The following CADM2 variants were observed in gnomAD, a reference collection of about 807,000 sequenced individuals.
CADM2 encodes the protein immunoglobulin superfamily member 4D.
A neutral mutation model predicts 49.8 loss-of-function variants in CADM2; 12 were observed. The observed-to-expected ratio is 0.24, with a 90% CI of 0.15 to 0.39. The LOEUF (loss-of-function observed/expected upper bound fraction) is 0.39. CADM2 is among the 10% of genes least tolerant of loss of function. CADM2 has a pLI of 1.00. For missense variants in CADM2, 378 were observed against 492.3 expected, an observed-to-expected ratio of 0.77 and a Z score of 2.20; for synonymous variants, 214 against 175.4, an observed-to-expected ratio of 1.22 and a Z score of -1.74.
intron 6 of CADM2, among the ~76,000 whole-genome samples, chr3:85,924,908 A>G (rs1184380185): frequency 6.6e-6 from 1 of 152,182 alleles, no homozygotes; most frequent in Non-Finnish European, 1.5e-5. Flanking sequence ...CCAACCCCCT[A>G]TAATGCTGCT....
chr3:85,296,681 G>T (rs886942226), intron 1 of CADM2, among the ~76,000 whole-genome samples: 1 of 151,990 alleles, frequency 6.6e-6, no homozygotes, highest in African/African-American at 2.4e-5. Flanking sequence ...TAAATTTCCA[G>T]CTTCATTCTC....
At chr3:85,464,215 G>T (rs2038385925) in intron 1 of CADM2, among the ~76,000 whole-genome samples, 1 of 152,044 alleles carries the variant, frequency 6.6e-6, no homozygotes, top group Admixed American at 6.6e-5. Flanking sequence ...ATAAAATATA[G>T]ATGGACTCGA....
At chr3:85,793,870 G>T (rs1029191972) in intron 2 of CADM2, among the ~76,000 whole-genome samples, 5 of 152,140 alleles carry the variant, frequency 3.3e-5, no homozygotes, top group African/African-American at 1.2e-4. Flanking sequence ...GGATGTTGAT[G>T]CAAGATTTAT....
chr3:85,358,183 G>C (rs1471049671), intron 1 of CADM2, among the ~76,000 whole-genome samples: 1 of 152,028 alleles, frequency 6.6e-6, no homozygotes, highest in African/African-American at 2.4e-5. Flanking sequence ...CCACCTAGAT[G>C]CCAGTAGCAT....
chr3:85,802,297 C>T (rs897330504), intron 3 of CADM2, 101 bp downstream of exon 3: 3 of 1,000,460 alleles, frequency 3.0e-6, no homozygotes, highest in African/African-American at 3.3e-5. Flanking sequence ...CTTTTGATTA[C>T]CAAACTGCTG....
chr3:85,984,417 A>G (rs1453646518), intron 8 of CADM2, among the ~76,000 whole-genome samples: 1 of 151,630 alleles, frequency 6.6e-6, no homozygotes, highest in African/African-American at 2.4e-5. Flanking sequence ...CTTTAGTAGC[A>G]TCCTCATTTT....
intron 2 of CADM2, among the ~76,000 whole-genome samples, chr3:85,733,965 G>GA (rs2068033714): frequency 1.3e-5 from 2 of 152,124 alleles, no homozygotes; most frequent in Admixed American, 6.5e-5. Context: ...TTTTGAAACA[G>GA]AAAAAAGTCT....
chr3:85,881,104 C>T (rs1290160585), intron 3 of CADM2, among the ~76,000 whole-genome samples: 2 of 152,056 alleles, frequency 1.3e-5, no homozygotes, highest in African/African-American at 4.8e-5. Flanking sequence ...TCTGTTTTCT[C>T]TCAGCTATTC....
At chr3:85,223,823 G>A (rs192969871) in intron 1 of CADM2, among the ~76,000 whole-genome samples, 1 of 152,098 alleles carries the variant, frequency 6.6e-6, no homozygotes, top group Non-Finnish European at 1.5e-5. Context: ...TTACTGTTCA[G>A]CTCCCAATTA....
intron 1 of CADM2, among the ~76,000 whole-genome samples, chr3:84,960,822 A>AT: frequency 6.6e-6 from 1 of 152,268 alleles, no homozygotes; most frequent in South Asian, 2.1e-4. Flanking sequence ...TGCATAGTAC[A>AT]GGAGTGCATG....
chr3:85,975,685 A>G (rs1409111076), intron 8 of CADM2, among the ~76,000 whole-genome samples: 1 of 151,668 alleles, frequency 6.6e-6, no homozygotes, highest in East Asian at 1.9e-4. Context: ...CCTATCATTT[A>G]TAACTACATT....
At chr3:85,210,539 T>C (rs1201703123) in intron 1 of CADM2, among the ~76,000 whole-genome samples, 1 of 152,004 alleles carries the variant, frequency 6.6e-6, no homozygotes, top group Non-Finnish European at 1.5e-5. Flanking sequence ...TTTTTGGGGA[T>C]TTTTTTCTTT....
At chr3:85,499,885 C>A (rs896342528) in intron 1 of CADM2, among the ~76,000 whole-genome samples, 6 of 152,044 alleles carry the variant, frequency 3.9e-5, no homozygotes, top group Non-Finnish European at 8.8e-5. Context: ...ATGAATTAAA[C>A]CTTATGTGGA....
chr3:85,310,968 A>G (rs949049044), intron 1 of CADM2, among the ~76,000 whole-genome samples: 1 of 152,194 alleles, frequency 6.6e-6, no homozygotes, highest in African/African-American at 2.4e-5. Context: ...AAACTATGCT[A>G]GAGGCCAATA....
chr3:85,735,945 A>T (rs1354119704), intron 2 of CADM2, among the ~76,000 whole-genome samples: 8 of 152,146 alleles, frequency 5.3e-5, no homozygotes, highest in Admixed American at 5.2e-4. Context: ...AAAGTTCTAC[A>T]CTTTAGATAA....
At chr3:86,043,118 A>T (rs1309543228) in intron 8 of CADM2, among the ~76,000 whole-genome samples, 1 of 152,164 alleles carries the variant, frequency 6.6e-6, no homozygotes, top group Admixed American at 6.6e-5. Flanking sequence ...CCCACAGCCA[A>T]TATCGTACTG....
At chr3:85,459,066 C>T (rs1310591808) in intron 1 of CADM2, among the ~76,000 whole-genome samples, 1 of 152,064 alleles carries the variant, frequency 6.6e-6, no homozygotes, top group Non-Finnish European at 1.5e-5. Flanking sequence ...AGGATAGATG[C>T]AGGGTTGAAT....
intron 1 of CADM2, among the ~76,000 whole-genome samples, chr3:85,063,232 C>G (rs2036401786): frequency 6.6e-6 from 1 of 151,804 alleles, no homozygotes; most frequent in Non-Finnish European, 1.5e-5. Context: ...TTCTATCAAA[C>G]TTCAATCTGC....
chr3:85,425,005 T>G (rs2036336318), intron 1 of CADM2, among the ~76,000 whole-genome samples: 2 of 152,234 alleles, frequency 1.3e-5, no homozygotes, highest in South Asian at 2.1e-4. Flanking sequence ...TTGCCAAAAG[T>G]GCTGTAATAA....
Sources: allele counts gnomAD v4.1 joint callset (sites outside exome capture counted in the v4.1 genomes callset), GRCh38; gene constraint gnomAD v4.1.1; transcripts MANE v1.5; gene names NCBI Gene and HGNC (gene_info 2026-07-23, HGNC 2026-07-21).